The following ERICH1 variants were observed in gnomAD, a reference collection of about 807,000 sequenced individuals.
ERICH1 encodes the protein glutamate rich 1.
ERICH1 carries 56 observed loss-of-function variants against 39.6 expected under a neutral mutation model. The ratio of observed to expected loss-of-function variants is 1.41; its 90% CI spans 1.14 to 1.77. The LOEUF (loss-of-function observed/expected upper bound fraction) is 1.77, where lower values mean the gene tolerates loss of function less well. Among genes scored for constraint, ERICH1 ranks in the 40% most tolerant of loss-of-function variants. ERICH1 has a pLI of 0.00. For missense variants in ERICH1, 826 were observed against 575.4 expected (o/e 1.44, Z -4.45); for synonymous variants, 313 against 223.6 (o/e 1.40, Z -3.57).
chr8:635,048 A>G (rs1397656504), intron 3 of ERICH1, among the ~76,000 whole-genome samples: 1 of 151,796 alleles, frequency 6.6e-6, no homozygotes, highest in African/African-American at 2.4e-5. Flanking sequence ...GGGGTGTCCC[A>G]GGCTTTGGAC....
intron 4 of ERICH1, chr8:671,930 G>A (rs1441330253): frequency 1.3e-5 from 2 of 159,802 alleles, no homozygotes; most frequent in Non-Finnish European, 2.8e-5. Flanking sequence ...TCCAGGCTCT[G>A]CTTTTGGTTT....
At chr8:635,041 G>A (rs1798316586) in intron 3 of ERICH1, among the ~76,000 whole-genome samples, 1 of 151,978 alleles carries the variant, frequency 6.6e-6, no homozygotes, top group South Asian at 2.1e-4. Context: ...GCACCTGGGG[G>A]TGTCCCAGGC....
intron 3 of ERICH1, among the ~76,000 whole-genome samples, chr8:644,342 G>A (rs1187991304): frequency 6.6e-6 from 1 of 152,232 alleles, no homozygotes; most frequent in Admixed American, 6.5e-5. Context: ...GTCTCTCACT[G>A]GGGCCCACAG....
At chr8:699,260 G>T (rs994309495) in intron 2 of ERICH1, among the ~76,000 whole-genome samples, 2 of 152,136 alleles carry the variant, frequency 1.3e-5, no homozygotes, top group African/African-American at 4.8e-5. Context: ...TTTCCCACCT[G>T]CATGGATAAC....
intron 3 of ERICH1, among the ~76,000 whole-genome samples, chr8:620,669 A>G (rs9792387): frequency 0.27 from 41,331 of 152,236 alleles, 6,226 homozygotes; most frequent in East Asian, 0.48. Context: ...AACATCAGAA[A>G]AAACAGACTT....
At chr8:726,080 C>T (rs964515855) in intron 1 of ERICH1, among the ~76,000 whole-genome samples, 1 of 152,192 alleles carries the variant, frequency 6.6e-6, no homozygotes, top group Non-Finnish European at 1.5e-5. Flanking sequence ...GTCCCACACA[C>T]GGGGCCAGAA....
rs564338303 is a variant in ERICH1 at position 678,109 on chromosome 8, A to G, written c.305-4062T>C. 6.4e-4 allele frequency among the ~76,000 whole-genome samples: 98 copies of G among 152,294 alleles called. 1 individual carries two copies. The highest frequency in any genetic ancestry group is 2.2e-3 in the African/African-American group (93 of 41,566). On this transcript the variant is annotated intron_variant, in intron 3 of 5. Coordinates refer to ENST00000262109, the MANE Select transcript of ERICH1 (RefSeq NM_207332.3). ...AGTTTGTCATATTTTTTTCACATAA[A>G]TGTGTATGCGTGTACTTTTGAAAAG...
intron 2 of ERICH1, among the ~76,000 whole-genome samples, chr8:705,722 C>A (rs566954503): frequency 5.9e-5 from 9 of 152,252 alleles, no homozygotes; most frequent in African/African-American, 2.2e-4. Context: ...AAAGGGCATC[C>A]AGACTGGACA....
At chr8:649,598 C>T (rs1799675654) in intron 3 of ERICH1, among the ~76,000 whole-genome samples, 1 of 145,138 alleles carries the variant, frequency 6.9e-6, no homozygotes, top group South Asian at 2.5e-4. Flanking sequence ...GTACCTCTCT[C>T]GGGGGAGGGG....
intron 3 of ERICH1, among the ~76,000 whole-genome samples, chr8:654,121 T>C (rs1800317722): frequency 6.6e-6 from 1 of 152,234 alleles, no homozygotes; most frequent in South Asian, 2.1e-4. Flanking sequence ...AATTTTACAG[T>C]ATGTGTATCA....
intron 1 of ERICH1, among the ~76,000 whole-genome samples, chr8:721,143 A>G (rs1055127914): frequency 7.2e-5 from 11 of 152,250 alleles, no homozygotes; most frequent in African/African-American, 2.7e-4. Context: ...AAGAATTATA[A>G]TAAATTTTAA....
intron 3 of ERICH1, chr8:615,369 G>A (rs914674631): frequency 3.8e-5 from 22 of 574,630 alleles, no homozygotes; most frequent in Admixed American, 3.3e-4. Flanking sequence ...CCGATTGCTG[G>A]GATAAAGAGA....
At chr8:656,846 G>A (rs1247270152) in intron 3 of ERICH1, 10 of 985,310 alleles carry the variant, frequency 1.0e-5, no homozygotes, top group African/African-American at 1.7e-5. Context: ...GAGCCCCCCA[G>A]CATGCTCCAG....
chr8:655,114 C>T (rs542655469), intron 3 of ERICH1, among the ~76,000 whole-genome samples: 2 of 152,186 alleles, frequency 1.3e-5, no homozygotes, highest in African/African-American at 2.4e-5. Context: ...CCCAGATGCA[C>T]GACGGGACCT....
chr8:699,802 C>A lies in ERICH1; in HGVS notation c.170-7190G>T, dbSNP rs113697232. On this transcript the variant is annotated intron_variant, in intron 2 of 5. Transcript: ENST00000262109. ...CCGCACACGCGCACAGACCCGCACA[C>A]GCGCACAGATCCGCACAAGCGCACA... Among the ~76,000 whole-genome samples, 549 of 52,212 alleles carry A rather than the reference C, an allele frequency of 0.011. 8 individuals carry two copies. The East Asian group carries it at 0.22, about 21-fold the overall frequency. The allele number at this position is 52,212 out of a possible 152,430, so 34.3% of individuals were successfully genotyped here. A position where few individuals can be genotyped will look rare whatever the true frequency, so the allele number is the denominator to read the frequency against.
intron 2 of ERICH1, among the ~76,000 whole-genome samples, chr8:707,099 A>C (rs1298477451): frequency 1.3e-5 from 2 of 152,200 alleles, no homozygotes; most frequent in African/African-American, 2.4e-5. Context: ...TACAGCAATC[A>C]AAACAAGATG....
intron 2 of ERICH1, among the ~76,000 whole-genome samples, chr8:697,100 G>A (rs1810492901): frequency 1.3e-5 from 2 of 152,140 alleles, no homozygotes; most frequent in African/African-American, 4.8e-5. Flanking sequence ...GTGCTAGCAG[G>A]GCTCTCTGTA....
At position 705,797 on chromosome 8, in the gene ERICH1, G is replaced by A. The variant is rs574538946; in HGVS notation, c.169+10064C>T. On this transcript the variant is annotated intron_variant, in intron 2 of 5. Transcript: ENST00000262109. The stretch of plus-strand genomic sequence containing the variant: ...AAACTACCCGAAATCACAGATGACA[G>A]CATCTTGCACAGTGATGTACCACAA... Among the ~76,000 whole-genome samples the A allele has an allele frequency of 2.0e-5, 3 of 152,328 alleles. No individual in the cohort carries two copies. The South Asian group carries it at 6.2e-4, about 32-fold the overall frequency.
intron 3 of ERICH1, among the ~76,000 whole-genome samples, chr8:679,310 C>A (rs977310799): frequency 6.6e-6 from 1 of 151,084 alleles, no homozygotes; most frequent in South Asian, 2.1e-4. Flanking sequence ...CCCCTCACGG[C>A]TTCCACCCCT....
Sources: allele counts gnomAD v4.1 joint callset (sites outside exome capture counted in the v4.1 genomes callset), GRCh38; gene constraint gnomAD v4.1.1; transcripts MANE v1.5; gene names NCBI Gene and HGNC (gene_info 2026-07-23, HGNC 2026-07-21).